Variants in ADAMTS19 observed in about 807,000 individuals in gnomAD.
The protein encoded by ADAMTS19 is ADAM metallopeptidase with thrombospondin type 1 motif 19.
A neutral mutation model predicts 153.3 loss-of-function variants in ADAMTS19; 93 were observed. That is an observed-to-expected ratio of 0.61 (90% CI 0.51 to 0.72). The LOEUF (loss-of-function observed/expected upper bound fraction) is 0.72, where lower values mean the gene tolerates loss of function less well. Among genes scored for constraint, ADAMTS19 ranks in the 30% least tolerant of loss-of-function variants. The pLI, the probability that ADAMTS19 is intolerant of heterozygous loss-of-function variation, is 0.00. For synonymous variants in ADAMTS19, 600 were observed against 556.6 expected (o/e 1.08, Z -1.10); for missense variants, 1,482 against 1,552.1 (o/e 0.95, Z 0.76).
intron 7 of ADAMTS19, among the ~76,000 whole-genome samples, chr5:129,584,953 T>C (rs1749706807): frequency 6.6e-6 from 1 of 152,124 alleles, no homozygotes; most frequent in Non-Finnish European, 1.5e-5. Flanking sequence ...ATGAAAATAA[T>C]CTCCTGAAGC....
chr5:129,626,294 AT>A (rs921629922), intron 10 of ADAMTS19, among the ~76,000 whole-genome samples: 3 of 151,966 alleles, frequency 2.0e-5, no homozygotes, highest in Non-Finnish European at 2.9e-5. Flanking sequence ...ATTTAAACTA[AT>A]TTTTTTGTCT....
chr5:129,598,062 C>T (rs1459918962), intron 8 of ADAMTS19, among the ~76,000 whole-genome samples: 1 of 152,086 alleles, frequency 6.6e-6, no homozygotes, highest in East Asian at 1.9e-4. Flanking sequence ...GGGAGGTGAT[C>T]TTTATGGAGG....
intron 7 of ADAMTS19, among the ~76,000 whole-genome samples, chr5:129,585,162 A>G (rs1409275509): frequency 6.7e-6 from 1 of 150,244 alleles, no homozygotes; most frequent in Non-Finnish European, 1.5e-5. Context: ...GAGTTCCCCA[A>G]CCCCTTGCAC....
At position 129,622,335 on chromosome 5, in the gene ADAMTS19, G is replaced by C; in HGVS notation, c.1757G>C (p.Cys586Ser). 2 of 1,613,942 alleles carry C rather than the reference G, an allele frequency of 1.2e-6. No homozygotes were observed. Among genetic ancestry groups the C allele is most frequent in the South Asian group, 2.2e-5 (2 of 91,078 alleles). ...QILFGPLASF[C>S]QEMQHVICTG... Reference sequence around the variant, plus strand: ...CTTTTTGGGCCATTGGCTTCTTTTTGTCAGGAGATGCAGGTAAAGATCCAG... The same window carrying C: ...CTTTTTGGGCCATTGGCTTCTTTTTCTCAGGAGATGCAGGTAAAGATCCAG... Residue 586 changes from cysteine to serine, a missense_variant, in exon 10 of 23, where the codon TGT (cysteine) becomes TCT (serine). By Grantham distance (112) the Cys-to-Ser change is moderately radical. Coordinates refer to ENST00000274487, the MANE Select transcript of ADAMTS19 (RefSeq NM_133638.6).
At chr5:129,737,032 T>C in intron 22 of ADAMTS19, 35 bp from the exon 23 acceptor site, 2 of 1,543,010 alleles carry the variant, frequency 1.3e-6, no homozygotes, top group Non-Finnish European at 1.8e-6. Context: ...ATATGATATC[T>C]GCATGGAGTG....
chr5:129,479,641 G>T (rs748529739), intron 2 of ADAMTS19, among the ~76,000 whole-genome samples: 2 of 152,038 alleles, frequency 1.3e-5, no homozygotes, highest in Non-Finnish European at 2.9e-5. Context: ...GTACAAATAC[G>T]AGTTTTTTTA....
chr5:129,526,522 A>G, intron 4 of ADAMTS19, 66 bp downstream of exon 4: 13 of 1,424,904 alleles, frequency 9.1e-6, no homozygotes, highest in Non-Finnish European at 1.2e-5. Flanking sequence ...ATGTGTGAGT[A>G]TTTATAATGA....
At chr5:129,557,412 A>G (rs761739101) in intron 7 of ADAMTS19, among the ~76,000 whole-genome samples, 1 of 152,134 alleles carries the variant, frequency 6.6e-6, no homozygotes, top group Non-Finnish European at 1.5e-5. Flanking sequence ...AGCCTGGACA[A>G]CATGGTGAAT....
intron 8 of ADAMTS19, among the ~76,000 whole-genome samples, chr5:129,615,541 A>C (rs1751479449): frequency 6.6e-6 from 1 of 152,014 alleles, no homozygotes; most frequent in South Asian, 2.1e-4. Flanking sequence ...ATTCTGATGC[A>C]AGTGGTTCAT....
intron 3 of ADAMTS19, among the ~76,000 whole-genome samples, chr5:129,521,259 A>G (rs1373554057): frequency 6.6e-6 from 1 of 152,048 alleles, no homozygotes; most frequent in Non-Finnish European, 1.5e-5. Context: ...TTAAAAGCAA[A>G]ATTTTTACCG....
At position 129,522,316 on chromosome 5, in the gene ADAMTS19, T is replaced by TATACACACACACACACACAC. The variant is rs1249492013; in HGVS notation, c.914-3967_914-3966insTACACACACACACACACACA. Among the ~76,000 whole-genome samples, 101 of 91,822 alleles carry TATACACACACACACACACAC rather than the reference T, an allele frequency of 1.1e-3. 1 individual carries two copies. Among genetic ancestry groups the TATACACACACACACACACAC allele is most frequent in the African/African-American group, 4.6e-3 (98 of 21,188 alleles). 60.2% of individuals were successfully genotyped at this position (91,822 alleles called of 152,430 possible). A position where few individuals can be genotyped will look rare whatever the true frequency, so the allele number is the denominator to read the frequency against. ...GTGTGTGTGTATATATATATATATATACACACACACACACACATATATATA... is the reference window on the plus strand; with the variant it reads ...GTGTGTGTGTATATATATATATATATATACACACACACACACACACACACACACACACACACATATATATA... On this transcript the variant is annotated intron_variant, in intron 3 of 22. Coordinates refer to ENST00000274487, the MANE Select transcript of ADAMTS19 (RefSeq NM_133638.6).
At position 129,686,324 on chromosome 5, in the gene ADAMTS19, G is replaced by A. The variant is rs540316267; in HGVS notation, c.2818+2051G>A. Among the ~76,000 whole-genome samples the A allele has an allele frequency of 6.6e-5, 10 of 152,174 alleles. No individual in the cohort carries two copies. The South Asian group carries it at 1.2e-3, about 19-fold the overall frequency. On this transcript the variant is annotated intron_variant, in intron 18 of 22. Coordinates refer to ENST00000274487, the MANE Select transcript of ADAMTS19 (RefSeq NM_133638.6). ...GCAATAGGAGGAATATAAAGATATG[G>A]GGGCTGGAAAGACAGTAAAATGGTG...
intron 1 of ADAMTS19, among the ~76,000 whole-genome samples, chr5:129,460,859 G>C (rs1052964970): frequency 6.6e-6 from 1 of 151,950 alleles, no homozygotes; most frequent in Non-Finnish European, 1.5e-5. Flanking sequence ...AATGAAGTGC[G>C]GTCACCAAAC....
At chr5:129,640,578 T>C (rs1752745368) in intron 10 of ADAMTS19, among the ~76,000 whole-genome samples, 1 of 152,150 alleles carries the variant, frequency 6.6e-6, no homozygotes, top group Non-Finnish European at 1.5e-5. Context: ...AAATGGCTTA[T>C]TTTTCCCTAC....
chr5:129,475,513 T>C (rs768552201), intron 2 of ADAMTS19, among the ~76,000 whole-genome samples: 1 of 152,206 alleles, frequency 6.6e-6, no homozygotes, highest in Non-Finnish European at 1.5e-5. Flanking sequence ...ATTTAAGTCC[T>C]TTAATTTTAA....
intron 21 of ADAMTS19, among the ~76,000 whole-genome samples, chr5:129,713,480 G>T (rs1328453319): frequency 6.6e-6 from 1 of 152,164 alleles, no homozygotes; most frequent in South Asian, 2.1e-4. Context: ...TAACAAACAG[G>T]CTGGGCACAG....
At chr5:129,735,352 G>A (rs1757621214) in intron 22 of ADAMTS19, among the ~76,000 whole-genome samples, 1 of 151,984 alleles carries the variant, frequency 6.6e-6, no homozygotes, top group South Asian at 2.1e-4. Context: ...AGGAAATAAT[G>A]CCACACCACC....
In ADAMTS19 at chr5:129,638,008, G is replaced by A. The variant is rs1169455301; in HGVS notation, c.1771-3851G>A. On this transcript the variant is annotated intron_variant, in intron 10 of 22. Coordinates refer to ENST00000274487, the MANE Select transcript of ADAMTS19 (RefSeq NM_133638.6). The stretch of plus-strand genomic sequence containing the variant: ...GAGGGAAAGGAGCAGAAAAGGTAAT[G>A]ATTGGGTACTGGGCTTAATACCTGG... 3.4e-4 allele frequency among the ~76,000 whole-genome samples: 52 copies of A among 152,086 alleles called. 1 individual carries two copies. Among genetic ancestry groups the A allele is most frequent in the Admixed American group, 3.3e-3 (50 of 15,262 alleles).
intron 2 of ADAMTS19, among the ~76,000 whole-genome samples, chr5:129,495,875 A>G (rs752814097): frequency 1.4e-4 from 21 of 152,006 alleles, no homozygotes; most frequent in Non-Finnish European, 2.6e-4. Flanking sequence ...TAGGTGTATG[A>G]TCTCCTATAG....
Sources: gnomAD v4.1 joint callset for allele counts (sites outside exome capture counted in the v4.1 genomes callset) on GRCh38, gnomAD v4.1.1 for gene constraint, MANE v1.5 for transcripts, NCBI Gene and HGNC (gene_info 2026-07-23, HGNC 2026-07-21) for gene names.